PEAK1: variants seen among roughly 807,000 people sequenced by gnomAD.
The protein encoded by PEAK1 is inactive tyrosine-protein kinase PEAK1.
Under a neutral mutation model 124.7 loss-of-function variants are expected in PEAK1, and 54 were observed. The observed-to-expected ratio is 0.43, with a 90% CI of 0.35 to 0.54. The LOEUF (loss-of-function observed/expected upper bound fraction) is 0.54, where lower values mean the gene tolerates loss of function less well. PEAK1 is among the 20% of genes least tolerant of loss of function. The pLI is 0.01. For missense variants in PEAK1, 2,046 were observed against 2,134.5 expected, an observed-to-expected ratio of 0.96 and a Z score of 0.82; for synonymous variants, 719 against 760.0, an observed-to-expected ratio of 0.95 and a Z score of 0.89.
chr15:77,266,610 G>A (rs981456061), intron 5 of PEAK1, among the ~76,000 whole-genome samples: 1 of 152,042 alleles, frequency 6.6e-6, no homozygotes, highest in African/African-American at 2.4e-5. Flanking sequence ...TCAAGAATCA[G>A]GAAAATCATA....
intron 5 of PEAK1, among the ~76,000 whole-genome samples, chr15:77,257,469 G>C (rs1362532171): frequency 6.6e-6 from 1 of 150,516 alleles, no homozygotes; most frequent in Admixed American, 6.6e-5. Context: ...GCATTTCTCT[G>C]ATGGCCAGTG....
chr15:77,184,175 T>C (rs189835823), intron 6 of PEAK1, among the ~76,000 whole-genome samples: 650 of 151,948 alleles, frequency 4.3e-3, no homozygotes, highest in Non-Finnish European at 7.8e-3. Context: ...ATTGTAAATA[T>C]AATTTACAAT....
chr15:77,205,008 AAAG>A (rs1401109945), intron 6 of PEAK1: 2 of 198,288 alleles, frequency 1.0e-5, no homozygotes, highest in Admixed American at 6.0e-5. Flanking sequence ...TCAAGAAATT[AAAG>A]AAGATTTACG....
At chr15:77,217,411 AATG>A in intron 6 of PEAK1, among the ~76,000 whole-genome samples, 1 of 152,260 alleles carries the variant, frequency 6.6e-6, no homozygotes, top group South Asian at 2.1e-4. Context: ...AGGGCAAAAG[AATG>A]ATAATATCTG....
chr15:77,355,836 C>G (rs1264343322), intron 2 of PEAK1: 1 of 985,138 alleles, frequency 1.0e-6, no homozygotes, highest in Non-Finnish European at 1.2e-6. Context: ...ACTGCTGACC[C>G]CCTCCCAGAA....
chr15:77,168,230 T>TGCGC (rs67103554), intron 7 of PEAK1, among the ~76,000 whole-genome samples: 3 of 89,582 alleles, frequency 3.3e-5, no homozygotes, highest in African/African-American at 1.3e-4. Context: ...CATATGCATG[T>TGCGC]GCGCGCGCAC....
chr15:77,331,765 G>A (rs996212263), intron 2 of PEAK1, among the ~76,000 whole-genome samples: 2 of 151,724 alleles, frequency 1.3e-5, no homozygotes, highest in African/African-American at 4.8e-5. Context: ...CTACAGGCTC[G>A]TGCCACCGCG....
chr15:77,190,082 T>C (rs1330104282), intron 6 of PEAK1, among the ~76,000 whole-genome samples: 1 of 152,204 alleles, frequency 6.6e-6, no homozygotes, highest in Non-Finnish European at 1.5e-5. Flanking sequence ...TCTTCACTCA[T>C]TTTTGGAGGC....
At chr15:77,230,358 C>G (rs1272534213) in intron 6 of PEAK1, among the ~76,000 whole-genome samples, 1 of 151,968 alleles carries the variant, frequency 6.6e-6, no homozygotes, top group East Asian at 1.9e-4. Flanking sequence ...CACCACCATA[C>G]CAGGCTAATT....
At chr15:77,372,726 A>G (rs772173511) in intron 1 of PEAK1, among the ~76,000 whole-genome samples, 3 of 152,110 alleles carry the variant, frequency 2.0e-5, no homozygotes, top group Non-Finnish European at 2.9e-5. Context: ...GTAATCCCCA[A>G]TGTTGGAGGT....
intron 4 of PEAK1, 59 bp downstream of exon 4, chr15:77,284,891 AACACACAC>A (rs72078461): frequency 0.011 from 1,561 of 139,818 alleles, 10 homozygotes; most frequent in Non-Finnish European, 0.012. Flanking sequence ...TCTCTACTAA[AACACACAC>A]ACACACACAC....
At chr15:77,389,288 T>C (rs1049277218) in intron 1 of PEAK1, among the ~76,000 whole-genome samples, 3 of 152,132 alleles carry the variant, frequency 2.0e-5, no homozygotes, top group African/African-American at 4.8e-5. Context: ...CAAGTTTTTA[T>C]AGGAAAAATT....
At chr15:77,134,569 T>C (rs2152743313) in intron 8 of PEAK1, among the ~76,000 whole-genome samples, 1 of 152,360 alleles carries the variant, frequency 6.6e-6, no homozygotes, top group South Asian at 2.1e-4. Context: ...CTGTGCTTAG[T>C]TTCCAGCATT....
At chr15:77,414,203 C>T (rs796188711) in intron 1 of PEAK1, among the ~76,000 whole-genome samples, 37 of 137,316 alleles carry the variant, frequency 2.7e-4, no homozygotes, top group African/African-American at 9.3e-4. Context: ...TTCCTTCTTT[C>T]CTTCTTTTTT....
chr15:77,138,990 C>T (rs1461314760), intron 8 of PEAK1, among the ~76,000 whole-genome samples: 2 of 151,840 alleles, frequency 1.3e-5, no homozygotes, highest in Admixed American at 6.6e-5. Flanking sequence ...ATTACTAGTC[C>T]TAACCCCTGG....
At chr15:77,315,065 T>C (rs943874713) in intron 2 of PEAK1, among the ~76,000 whole-genome samples, 11 of 152,102 alleles carry the variant, frequency 7.2e-5, no homozygotes, top group Non-Finnish European at 1.5e-4. Flanking sequence ...ATCGAAATAA[T>C]TTTTTTAAAA....
chr15:77,297,086 T>C (rs912579459), intron 2 of PEAK1, among the ~76,000 whole-genome samples: 2 of 151,840 alleles, frequency 1.3e-5, no homozygotes, highest in African/African-American at 4.9e-5. Context: ...CATTCCCAGT[T>C]AGGATATCAA....
intron 2 of PEAK1, chr15:77,335,888 C>T (rs576105269): frequency 1.5e-3 from 1,510 of 985,306 alleles, no homozygotes; most frequent in Non-Finnish European, 1.7e-3. Context: ...TCCTTCCCAC[C>T]CCAATCATTG....
chr15:77,178,991 C>T lies in PEAK1; in HGVS notation c.2936G>A (p.Gly979Glu), dbSNP rs756740959. The change falls in exon 7 of 10, where the codon GGA (glycine) becomes GAA (glutamate). Residue 979 changes from glycine (G) to glutamate (E), a missense_variant. By Grantham distance (98) the Gly-to-Glu change is moderately conservative. Coordinates refer to ENST00000682557, the MANE Select transcript of PEAK1 (RefSeq NM_001385026.1). ...AATGGCTGGTTTCTCACTGGACTCT[C>T]CTTTCGCCTCTGTGAACCAGTGATG... ...QRHHWFTEAKGESSEKPAIVF... is the reference protein window; with the variant it reads ...QRHHWFTEAKEESSEKPAIVF... The T allele has an allele frequency of 1.2e-6, 2 of 1,614,062 alleles. No individual in the cohort carries two copies. The highest frequency in any genetic ancestry group is 1.7e-6 in the Non-Finnish European group (2 of 1,180,010).
Sources: gnomAD v4.1 joint callset for allele counts (sites outside exome capture counted in the v4.1 genomes callset) on GRCh38, gnomAD v4.1.1 for gene constraint, MANE v1.5 for transcripts, NCBI Gene and HGNC (gene_info 2026-07-23, HGNC 2026-07-21) for gene names.